Variants in LDB2 observed in about 807,000 individuals in gnomAD.
LDB2 encodes LIM domain binding 2.
Under a neutral mutation model 44.3 loss-of-function variants are expected in LDB2, and 12 were observed. The observed-to-expected ratio is 0.27, with a 90% confidence interval of 0.17 to 0.44. The LOEUF is 0.44. LDB2 is among the 20% of genes least tolerant of loss of function. LDB2 has a pLI of 1.00. For missense variants in LDB2, 344 were observed against 473.5 expected (o/e 0.73, Z 2.54); for synonymous variants, 164 against 174.8 (o/e 0.94, Z 0.49).
At chr4:16,578,934 G>A (rs912408679) in intron 5 of LDB2, among the ~76,000 whole-genome samples, 1 of 152,150 alleles carries the variant, frequency 6.6e-6, no homozygotes, top group Admixed American at 6.5e-5. Flanking sequence ...AGTGAAATAA[G>A]CCAGGCACAG....
chr4:16,656,753 G>A (rs889747275), intron 2 of LDB2, among the ~76,000 whole-genome samples: 1 of 152,088 alleles, frequency 6.6e-6, no homozygotes, highest in Non-Finnish European at 1.5e-5. Flanking sequence ...TTGATTCAGC[G>A]TGATTTTTTT....
chr4:16,674,073 T>C (rs936257329), intron 2 of LDB2: 2 of 395,978 alleles, frequency 5.1e-6, no homozygotes, highest in Non-Finnish European at 4.8e-6. Flanking sequence ...TGCTCTCTTA[T>C]ACGTTAACGC....
At chr4:16,836,574 G>T (rs1262592275) in intron 1 of LDB2, among the ~76,000 whole-genome samples, 5 of 152,182 alleles carry the variant, frequency 3.3e-5, no homozygotes, top group Admixed American at 3.3e-4. Flanking sequence ...TGCTCAGACA[G>T]AGGCCAACGT....
At position 16,503,095 on chromosome 4, in the gene LDB2, C is replaced by T. The variant is rs964439906; in HGVS notation, c.892-222G>A. ...ACCACGCGAGTTTATGTCCTTAGTG[C>T]GCAGCCTGACACTGGAGAACGAGCA... is the stretch of plus-strand genomic sequence containing the variant. On this transcript the variant is annotated intron_variant, in intron 7 of 7. Coordinates refer to ENST00000304523, the MANE Select transcript of LDB2 (RefSeq NM_001290.5). 1.0e-5 allele frequency: 16 copies of T among 1,536,740 alleles called. No homozygotes were observed. In the African/African-American group the frequency reaches 1.1e-4, roughly 11 times the overall value.
intron 2 of LDB2, among the ~76,000 whole-genome samples, chr4:16,712,836 C>T (rs1450499769): frequency 6.6e-6 from 1 of 152,116 alleles, no homozygotes; most frequent in Admixed American, 6.6e-5. Context: ...ATCATATGAT[C>T]CAATAATTCT....
chr4:16,848,429 A>G (rs1344883530), intron 1 of LDB2, among the ~76,000 whole-genome samples: 2 of 152,366 alleles, frequency 1.3e-5, no homozygotes, highest in African/African-American at 4.8e-5. Context: ...TTCTAAGAAG[A>G]CAGCAGATGT....
chr4:16,837,517 T>C (rs1785086926), intron 1 of LDB2, among the ~76,000 whole-genome samples: 1 of 152,204 alleles, frequency 6.6e-6, no homozygotes, highest in Non-Finnish European at 1.5e-5. Context: ...CAGAGTCTAT[T>C]GAATGTTAGA....
chr4:16,781,182 G>A (rs1469967091), intron 1 of LDB2, among the ~76,000 whole-genome samples: 2 of 152,172 alleles, frequency 1.3e-5, no homozygotes, highest in Admixed American at 6.5e-5. Flanking sequence ...AAACAGAATA[G>A]GGATGCCACA....
intron 2 of LDB2, among the ~76,000 whole-genome samples, chr4:16,606,283 C>G (rs1026392372): frequency 2.0e-5 from 3 of 152,162 alleles, no homozygotes; most frequent in African/African-American, 7.2e-5. Flanking sequence ...TAGAGTATGG[C>G]TCTATCAAAA....
rs533276435 is a variant in LDB2 at position 16,837,306 on chromosome 4, G to A, written c.132+61048C>T. Among the ~76,000 whole-genome samples, 4 of 152,206 alleles carry A rather than the reference G, an allele frequency of 2.6e-5. No individual in the cohort carries two copies. In the South Asian group the frequency reaches 8.3e-4, roughly 32 times the overall value. On this transcript the variant is annotated intron_variant, in intron 1 of 7. Coordinates refer to ENST00000304523, the MANE Select transcript of LDB2 (RefSeq NM_001290.5). ...ACTACCATATATATTTAATGAAATA[G>A]CATATGTGAAGCATCAACTTCCATA...
At chr4:16,597,055 C>T (rs1408656622) in intron 2 of LDB2, among the ~76,000 whole-genome samples, 1 of 151,984 alleles carries the variant, frequency 6.6e-6, no homozygotes, top group African/African-American at 2.4e-5. Flanking sequence ...GAAAGATCAC[C>T]CAATCGTCAC....
chr4:16,853,095 A>T (rs565553686), intron 1 of LDB2, among the ~76,000 whole-genome samples: 4 of 152,192 alleles, frequency 2.6e-5, no homozygotes, highest in African/African-American at 9.6e-5. Flanking sequence ...AGCAATACAA[A>T]TGTCTCTTCA....
chr4:16,705,424 C>T (rs1754389241), intron 2 of LDB2, among the ~76,000 whole-genome samples: 1 of 152,116 alleles, frequency 6.6e-6, no homozygotes, highest in South Asian at 2.1e-4. Flanking sequence ...GCTGATGTCT[C>T]AGGAGGCATA....
chr4:16,633,333 T>C (rs375964765), intron 2 of LDB2, among the ~76,000 whole-genome samples: 3 of 152,258 alleles, frequency 2.0e-5, no homozygotes, highest in African/African-American at 7.2e-5. Context: ...ATATACCTAA[T>C]GTAAATGACG....
At chr4:16,685,710 A>T (rs1749074426) in intron 2 of LDB2, among the ~76,000 whole-genome samples, 1 of 152,130 alleles carries the variant, frequency 6.6e-6, no homozygotes, top group African/African-American at 2.4e-5. Context: ...AAAGCTGCCC[A>T]CCCTCAGAAT....
chr4:16,858,654 G>A (rs1462846294), intron 1 of LDB2, among the ~76,000 whole-genome samples: 4 of 152,182 alleles, frequency 2.6e-5, no homozygotes, highest in Admixed American at 6.5e-5. Context: ...AAGGAACTCC[G>A]GGTAAGGTAC....
rs560906659 is a variant in LDB2 at position 16,556,086 on chromosome 4, A to T, written c.615+29836T>A. On this transcript the variant is annotated intron_variant, in intron 5 of 7. Transcript: ENST00000304523. ...CAGTCCAACTATCACCTTCTCAGAGAAGCCTTCTGAGATTTCTCCCAGACT... is the reference window on the plus strand; with the variant it reads ...CAGTCCAACTATCACCTTCTCAGAGTAGCCTTCTGAGATTTCTCCCAGACT... 3.3e-5 allele frequency among the ~76,000 whole-genome samples: 5 copies of T among 152,316 alleles called. No homozygotes were observed. The South Asian group carries it at 8.3e-4, about 25-fold the overall frequency.
intron 3 of LDB2, among the ~76,000 whole-genome samples, 154 bp from the exon 4 acceptor site, chr4:16,588,986 C>T (rs542207131): frequency 3.3e-5 from 5 of 152,308 alleles, no homozygotes; most frequent in Admixed American, 2.0e-4. Context: ...CCACTGCACA[C>T]GGTACAAATG....
At chr4:16,815,548 G>A (rs967963372) in intron 1 of LDB2, among the ~76,000 whole-genome samples, 1 of 152,154 alleles carries the variant, frequency 6.6e-6, no homozygotes, top group Non-Finnish European at 1.5e-5. Context: ...TGATTTGTAA[G>A]ATCCTCTGAC....
Sources: allele counts gnomAD v4.1 joint callset (sites outside exome capture counted in the v4.1 genomes callset), GRCh38; gene constraint gnomAD v4.1.1; transcripts MANE v1.5; gene names NCBI Gene and HGNC (gene_info 2026-07-23, HGNC 2026-07-21).